The following CDC6 variants were observed in gnomAD, a reference collection of about 807,000 sequenced individuals.
CDC6 encodes DNA replication factor CDC6.
CDC6 carries 46 observed loss-of-function variants against 60.2 expected under a neutral mutation model. That is an observed-to-expected ratio of 0.76 (90% CI 0.60 to 0.98). The LOEUF is 0.98. CDC6 is among the 50% of genes least tolerant of loss of function. CDC6 has a pLI of 0.00. For synonymous variants in CDC6, 210 were observed against 233.2 expected (o/e 0.90, Z 0.90); for missense variants, 596 against 652.9 (o/e 0.91, Z 0.95).
rs752992282 is a variant in CDC6 at position 40,291,049 on chromosome 17, G to T, written c.179-9G>T. The T allele has an allele frequency of 1.1e-5, 18 of 1,613,744 alleles. No individual in the cohort carries two copies. Among genetic ancestry groups the T allele is most frequent in the Non-Finnish European group, 8.5e-7 (1 of 1,179,828 alleles). Reference sequence around the variant, plus strand: ...TGAGTGACTACATTTTTATTTTATTGTGTTTCAGGCGATGACAACCTATGC... The same window carrying T: ...TGAGTGACTACATTTTTATTTTATTTTGTTTCAGGCGATGACAACCTATGC... On this transcript the variant is annotated splice_polypyrimidine_tract_variant and intron_variant, in intron 2 of 11. Transcript: ENST00000209728.
At chr17:40,292,560 G>A (rs1199864156) in intron 4 of CDC6, among the ~76,000 whole-genome samples, 2 of 149,108 alleles carry the variant, frequency 1.3e-5, no homozygotes, top group African/African-American at 2.5e-5. Flanking sequence ...ACTTGAACTC[G>A]GGAAGCAGAG....
At chr17:40,296,119 A>T (rs940960129) in intron 8 of CDC6, among the ~76,000 whole-genome samples, 8 of 152,112 alleles carry the variant, frequency 5.3e-5, no homozygotes, top group African/African-American at 1.9e-4. Flanking sequence ...AGCTCTTCCT[A>T]TTGCTAGATT....
rs1022786977 is a variant in CDC6, at chr17:40,303,498, A to T, written c.*1497A>T. The T allele has an allele frequency of 2.0e-5, 3 of 152,258 alleles. No homozygotes were observed. The highest frequency in any genetic ancestry group is 4.4e-5 in the Non-Finnish European group (3 of 68,086). 9.4% of individuals were successfully genotyped at this position (152,258 alleles called of 1,614,324 possible). ...CTGACCACTGTATCCGTGTAATGTG[A>T]TCTGAGCTACAACAGGTGGTATGGG... is the stretch of plus-strand genomic sequence containing the variant. On this transcript the variant is annotated 3_prime_UTR_variant, in exon 12 of 12. Coordinates refer to ENST00000209728, the MANE Select transcript of CDC6 (RefSeq NM_001254.4).
chr17:40,301,050 A>G lies in CDC6; in HGVS notation c.1452+20A>G, dbSNP rs1415819419. The G allele has an allele frequency of 5.8e-6, 9 of 1,551,516 alleles. No homozygotes were observed. In the East Asian group the frequency reaches 6.7e-5, roughly 12 times the overall value. On this transcript the variant is annotated intron_variant, in intron 10 of 11. Coordinates refer to ENST00000209728, the MANE Select transcript of CDC6 (RefSeq NM_001254.4). ...GGGAAGGTAAGTTGGGATGGAGCAG[A>G]TGGAACGGAGGTAGAGATCAGAATC... is the stretch of plus-strand genomic sequence containing the variant.
chr17:40,288,615 C>T (rs1311442237), intron 1 of CDC6, among the ~76,000 whole-genome samples: 1 of 135,020 alleles, frequency 7.4e-6, no homozygotes, highest in Non-Finnish European at 1.6e-5. Flanking sequence ...GACGGAGTCT[C>T]GCTCGGTCTC....
chr17:40,297,497 G>A (rs932975237), intron 9 of CDC6, among the ~76,000 whole-genome samples: 1 of 152,150 alleles, frequency 6.6e-6, no homozygotes, highest in Middle Eastern at 3.2e-3. Flanking sequence ...GCCAAAGGGA[G>A]GGAGAGCATG....
chr17:40,287,904 G>C lies in CDC6; in HGVS notation c.-200G>C, dbSNP rs1389069320. ...ATTCGGATTTGGCGCGAGCGCGGCTGGAGTTTGCTGCTGCCGCTGTGCAGT... is the reference window on the plus strand; with the variant it reads ...ATTCGGATTTGGCGCGAGCGCGGCTCGAGTTTGCTGCTGCCGCTGTGCAGT... On this transcript the variant is annotated 5_prime_UTR_variant, in exon 1 of 12. Transcript: ENST00000209728. 6.5e-6 allele frequency: 1 copy of C among 153,150 alleles called. No homozygotes were observed. Among genetic ancestry groups the C allele is most frequent in the Non-Finnish European group, 1.5e-5 (1 of 68,376 alleles). 9.5% of individuals were successfully genotyped at this position (153,150 alleles called of 1,614,324 possible).
chr17:40,300,753 A>C lies in CDC6; in HGVS notation c.1250-75A>C, dbSNP rs1455850368. ...GAATTTCCTTTAGCTCAAACTTAGT[A>C]TCATCTGTCTCATCATACATACACA... is the stretch of plus-strand genomic sequence containing the variant. On this transcript the variant is annotated intron_variant, in intron 9 of 11. Coordinates refer to ENST00000209728, the MANE Select transcript of CDC6 (RefSeq NM_001254.4). The C allele has an allele frequency of 3.5e-6, 4 of 1,144,824 alleles. No individual in the cohort carries two copies. The African/African-American group carries it at 6.1e-5, about 17-fold the overall frequency. The allele number at this position is 1,144,824 out of a possible 1,614,324, so 70.9% of individuals were successfully genotyped here.
In CDC6 at chr17:40,293,594, T is replaced by C. The variant is rs200407669; in HGVS notation, c.799T>C (p.Leu267=). ...RPAGKDMMRK[L]EKHMTAEKGP... ...AGCTGGGAAGGACATGATGAGGAAA[T>C]TGGAAAAACATATGACTGCAGAGAA... Residue 267 remains leucine, a synonymous_variant, in exon 5 of 12, where the codon TTG becomes CTG. Coordinates refer to ENST00000209728, the MANE Select transcript of CDC6 (RefSeq NM_001254.4). 197 of 1,613,938 alleles carry C rather than the reference T, an allele frequency of 1.2e-4. No homozygotes were observed. Among genetic ancestry groups the C allele is most frequent in the Admixed American group, 8.0e-4 (48 of 60,016 alleles).
At chr17:40,301,105 G>A (rs1464884307) in intron 10 of CDC6, 75 bp downstream of exon 10, 2 of 1,000,980 alleles carry the variant, frequency 2.0e-6, no homozygotes, top group Non-Finnish European at 3.2e-6. Context: ...TTTCCAAAAG[G>A]CCTATGATAC....
At chr17:40,292,078 C>G (rs2032772773) in intron 4 of CDC6, among the ~76,000 whole-genome samples, 2 of 151,830 alleles carry the variant, frequency 1.3e-5, no homozygotes, top group Non-Finnish European at 2.9e-5. Flanking sequence ...TCTCTGTTGT[C>G]CAGGCTGGAG....
Position 40,302,212 on chromosome 17 carries a change from C to G in CDC6, c.*211C>G. The G allele has an allele frequency of 1.8e-6, 1 of 564,376 alleles. No homozygotes were observed. Among genetic ancestry groups the G allele is most frequent in the South Asian group, 2.0e-5 (1 of 49,122 alleles). The allele number at this position is 564,376 out of a possible 1,614,324, so 35.0% of individuals were successfully genotyped here. The stretch of plus-strand genomic sequence containing the variant: ...TACCCATAAAAGTGACCAGGTAGAC[C>G]CTTTTTAATTACATTCACTACTTCT... On this transcript the variant is annotated 3_prime_UTR_variant, in exon 12 of 12. Coordinates refer to ENST00000209728, the MANE Select transcript of CDC6 (RefSeq NM_001254.4).
At position 40,302,356 on chromosome 17, in the gene CDC6, TTTG is replaced by T. The variant is rs771752103; in HGVS notation, c.*367_*369del. 1.5e-4 allele frequency: 41 copies of T among 267,820 alleles called. No individual in the cohort carries two copies. The highest frequency in any genetic ancestry group is 2.0e-4 in the East Asian group (2 of 9,932). The allele number at this position is 267,820 out of a possible 1,614,324, so 16.6% of individuals were successfully genotyped here. A position where few individuals can be genotyped will look rare whatever the true frequency, so the allele number is the denominator to read the frequency against. On this transcript the variant is annotated 3_prime_UTR_variant, in exon 12 of 12. Coordinates refer to ENST00000209728, the MANE Select transcript of CDC6 (RefSeq NM_001254.4). ...AGTGGGTATTTTTTTGTTTGTTTTT[TTTG>T]TTGTTGTTGTTTTTGAGGCGCGTCT... is the stretch of plus-strand genomic sequence containing the variant.
intron 11 of CDC6, 24 bp from the exon 12 acceptor site, chr17:40,301,888 A>G (rs920545491): frequency 2.0e-6 from 3 of 1,473,822 alleles, no homozygotes; most frequent in Admixed American, 1.7e-5. Context: ...CCCAGTGTGA[A>G]AAATCCTTTT....
intron 2 of CDC6, 109 bp downstream of exon 2, chr17:40,289,707 T>A: frequency 1.8e-6 from 1 of 564,010 alleles, no homozygotes; most frequent in Non-Finnish European, 2.9e-6. Flanking sequence ...AGACTTCTTT[T>A]TTTTTTTTTT....
chr17:40,292,413 C>T (rs544164033), intron 4 of CDC6, among the ~76,000 whole-genome samples: 3 of 150,228 alleles, frequency 2.0e-5, no homozygotes, highest in African/African-American at 7.3e-5. Flanking sequence ...GGTGGATCAC[C>T]TAAGGTCAGG....
Position 40,300,863 on chromosome 17 carries a change from G to T in CDC6, c.1285G>T (p.Val429Phe). The change falls in exon 10 of 12, where the codon GTT (valine) becomes TTT (phenylalanine). Residue 429 changes from valine (V) to phenylalanine (F), a missense_variant. Coordinates refer to ENST00000209728, the MANE Select transcript of CDC6 (RefSeq NM_001254.4). ...SPSEPLIPKRVGLIHISQVIS... is the reference protein window; with the variant it reads ...SPSEPLIPKRFGLIHISQVIS... ...TTCTGAGCCTCTGATTCCCAAGAGG[G>T]TTGGTCTTATTCACATATCCCAAGT... The T allele has an allele frequency of 1.2e-6, 2 of 1,614,124 alleles. No homozygotes were observed. Among genetic ancestry groups the T allele is most frequent in the Non-Finnish European group, 1.7e-6 (2 of 1,179,986 alleles).
At chr17:40,290,949 TTC>T in intron 2 of CDC6, 107 bp from the exon 3 acceptor site, 1 of 1,148,660 alleles carries the variant, frequency 8.7e-7, no homozygotes, top group Non-Finnish European at 1.3e-6. Flanking sequence ...ATTTTGGTGG[TTC>T]TGACTAAGGT....
rs1264873853 is a variant in CDC6, at chr17:40,291,466, C to T, written c.461-3C>T. 4 of 1,614,174 alleles carry T rather than the reference C, an allele frequency of 2.5e-6. No individual in the cohort carries two copies. The highest frequency in any genetic ancestry group is 3.4e-6 in the Non-Finnish European group (4 of 1,180,012). On this transcript the variant is annotated splice_region_variant and splice_polypyrimidine_tract_variant and intron_variant, in intron 3 of 11. Transcript: ENST00000209728. The stretch of plus-strand genomic sequence containing the variant: ...TCTAATTGACCTTTTATGTCTGGCA[C>T]AGGCACTTGCTACCAGCAAGCAAAG...
Sources: allele counts gnomAD v4.1 joint callset (sites outside exome capture counted in the v4.1 genomes callset), GRCh38; gene constraint gnomAD v4.1.1; transcripts MANE v1.5; gene names NCBI Gene and HGNC (gene_info 2026-07-23, HGNC 2026-07-21).